Variants in CTNNAL1 observed in about 807,000 individuals in gnomAD.
The protein encoded by CTNNAL1 is alpha-catulin.
CTNNAL1 carries 69 observed loss-of-function variants against 93.6 expected under a neutral mutation model. That is an observed-to-expected ratio of 0.74 (90% CI 0.61 to 0.90). CTNNAL1 has a LOEUF of 0.90. Ranked by LOEUF, CTNNAL1 falls within the 40% of genes least tolerant of loss-of-function variation. CTNNAL1 has a pLI of 0.00. For synonymous variants in CTNNAL1, 286 were observed against 305.4 expected (o/e 0.94, Z 0.66); for missense variants, 836 against 862.0 (o/e 0.97, Z 0.38).
At chr9:108,997,197 G>T (rs16913745) in intron 2 of CTNNAL1, among the ~76,000 whole-genome samples, 6,730 of 152,056 alleles carry the variant, frequency 0.044, 516 homozygotes, top group African/African-American at 0.16. Context: ...GTCAACCCAG[G>T]GTCTTCCCTT....
chr9:108,972,868 G>GCCCCCCCGGGT, intron 8 of CTNNAL1, 35 bp from the exon 9 acceptor site: 1 of 1,092,788 alleles, frequency 9.2e-7, no homozygotes, highest in Non-Finnish European at 1.2e-6. Context: ...GGGTGGGAGG[G>GCCCCCCCGGGT]TGGAGAAGGA....
At chr9:108,966,077 C>G (rs1830943376) in intron 10 of CTNNAL1, among the ~76,000 whole-genome samples, 1 of 152,118 alleles carries the variant, frequency 6.6e-6, no homozygotes, top group Non-Finnish European at 1.5e-5. Flanking sequence ...TCCAAATAAG[C>G]ATTATTCCAT....
intron 15 of CTNNAL1, among the ~76,000 whole-genome samples, chr9:108,945,266 T>C (rs1830366699): frequency 6.6e-6 from 1 of 152,146 alleles, no homozygotes; most frequent in African/African-American, 2.4e-5. Flanking sequence ...AATAAAACAG[T>C]GTAGTATTTG....
intron 10 of CTNNAL1, among the ~76,000 whole-genome samples, chr9:108,969,225 G>A (rs928480562): frequency 3.3e-5 from 5 of 151,224 alleles, no homozygotes; most frequent in Admixed American, 6.6e-5. Flanking sequence ...AGCCAAGATC[G>A]CGCCACTGCA....
intron 1 of CTNNAL1, among the ~76,000 whole-genome samples, chr9:109,008,697 G>A (rs950628216): frequency 6.6e-6 from 1 of 151,850 alleles, no homozygotes; most frequent in Non-Finnish European, 1.5e-5. Context: ...ATATCTTTTA[G>A]CTGTTTCCTC....
In CTNNAL1 at chr9:108,984,358, T is replaced by G; in HGVS notation, c.718A>C (p.Thr240Pro). The G allele has an allele frequency of 6.2e-7, 1 of 1,603,688 alleles. No homozygotes were observed. Among genetic ancestry groups the G allele is most frequent in the Non-Finnish European group, 8.5e-7 (1 of 1,171,714 alleles). The change falls in exon 5 of 19, where the codon ACA becomes CCA. Residue 240 changes from threonine to proline, a missense_variant. Physicochemically the swap from Thr to Pro is conservative, Grantham distance 38 (BLOSUM62 -1). Transcript: ENST00000325551. ...VLEKCTMMLL[T>P]ASKTCLRHPN... ...CAAAATTGTCTTACCTTTGAAGCTG[T>G]GAGAAGCATCATTGTACACTTTTCA...
At chr9:108,953,827 G>C (rs965095744) in intron 12 of CTNNAL1, among the ~76,000 whole-genome samples, 11 of 151,956 alleles carry the variant, frequency 7.2e-5, no homozygotes, top group African/African-American at 2.7e-4. Context: ...CACACACAGA[G>C]AGAAAGAGAC....
intron 15 of CTNNAL1, among the ~76,000 whole-genome samples, chr9:108,947,115 C>CT (rs34477684): frequency 0.33 from 44,301 of 136,236 alleles, 7,695 homozygotes; most frequent in East Asian, 0.41. Flanking sequence ...AAATTTCTTT[C>CT]TTTTTTTTTT....
chr9:108,972,864 G>GGGGGGGGGGGGCGCCCCC, intron 8 of CTNNAL1, 31 bp from the exon 9 acceptor site: 1 of 142,586 alleles, frequency 7.0e-6, no homozygotes, highest in Non-Finnish European at 1.0e-5. Context: ...GGGGGGGTGG[G>GGGGGGGGGGGGCGCCCCC]AGGGTGGAGA....
intron 1 of CTNNAL1, among the ~76,000 whole-genome samples, chr9:109,009,187 C>T (rs1564155328): frequency 2.0e-5 from 3 of 152,010 alleles, no homozygotes; most frequent in Non-Finnish European, 2.9e-5. Flanking sequence ...TGAGCCACTG[C>T]GCCTGGCCTA....
chr9:108,983,662 A>G (rs563864663), intron 5 of CTNNAL1, among the ~76,000 whole-genome samples: 3 of 152,372 alleles, frequency 2.0e-5, no homozygotes, highest in South Asian at 4.1e-4. Context: ...ATGAGATGAT[A>G]TATGATCATG....
At chr9:109,001,980 G>C (rs1158209149) in intron 1 of CTNNAL1, among the ~76,000 whole-genome samples, 1 of 152,216 alleles carries the variant, frequency 6.6e-6, no homozygotes, top group Non-Finnish European at 1.5e-5. Context: ...TGTGAGAGTG[G>C]CTGTAAAATC....
intron 1 of CTNNAL1, among the ~76,000 whole-genome samples, chr9:109,012,129 G>A (rs574433331): frequency 6.6e-6 from 1 of 152,218 alleles, no homozygotes; most frequent in African/African-American, 2.4e-5. Context: ...CCATGCGAAG[G>A]TGAAGAAAAT....
intron 9 of CTNNAL1, 33 bp from the exon 10 acceptor site, chr9:108,970,527 A>G: frequency 6.3e-7 from 1 of 1,575,436 alleles, no homozygotes; most frequent in Non-Finnish European, 8.6e-7. Context: ...TTTAACTTTC[A>G]CATCCTCATC....
intron 4 of CTNNAL1, among the ~76,000 whole-genome samples, chr9:108,985,285 A>G (rs1446043376): frequency 6.6e-6 from 1 of 152,240 alleles, no homozygotes; most frequent in Non-Finnish European, 1.5e-5. Flanking sequence ...AAGCAAACAG[A>G]GACAATACAC....
chr9:108,949,115 A>T (rs567510479), intron 14 of CTNNAL1, among the ~76,000 whole-genome samples: 67 of 152,364 alleles, frequency 4.4e-4, no homozygotes, highest in African/African-American at 1.5e-3. Flanking sequence ...TAAATTATTA[A>T]GACAACCTTA....
At chr9:108,951,763 A>G (rs903938562) in intron 14 of CTNNAL1, among the ~76,000 whole-genome samples, 14 of 152,188 alleles carry the variant, frequency 9.2e-5, no homozygotes, top group Admixed American at 2.6e-4. Flanking sequence ...TTCTCTACAT[A>G]ATGAATGGTG....
At chr9:108,994,614 T>C (rs577676649) in intron 2 of CTNNAL1, among the ~76,000 whole-genome samples, 7 of 152,316 alleles carry the variant, frequency 4.6e-5, no homozygotes, top group African/African-American at 1.7e-4. Context: ...GTCTTGTGTA[T>C]AATGACAATA....
chr9:108,955,234 C>T (rs1830662716), intron 12 of CTNNAL1, among the ~76,000 whole-genome samples: 1 of 152,174 alleles, frequency 6.6e-6, no homozygotes. Flanking sequence ...AATCCACCCA[C>T]CTCGGCCTCC....
Sources: gnomAD v4.1 joint callset for allele counts (sites outside exome capture counted in the v4.1 genomes callset) on GRCh38, gnomAD v4.1.1 for gene constraint, MANE v1.5 for transcripts, NCBI Gene and HGNC (gene_info 2026-07-23, HGNC 2026-07-21) for gene names.